The following ASTN2 variants were observed in gnomAD, a reference collection of about 807,000 sequenced individuals.
The protein encoded by ASTN2 is astrotactin-2.
In ASTN2, 54 loss-of-function variants were observed where a neutral mutation model predicts 139.8. That is an observed-to-expected ratio of 0.39 (90% CI 0.31 to 0.48). ASTN2 has a LOEUF of 0.48. Among genes scored for constraint, ASTN2 ranks in the 20% least tolerant of loss-of-function variants. ASTN2 has a pLI of 0.95. For missense variants in ASTN2, 1,565 were observed against 1,725.1 expected (o/e 0.91, Z 1.64); for synonymous variants, 756 against 719.5 (o/e 1.05, Z -0.81).
intron 17 of ASTN2, among the ~76,000 whole-genome samples, chr9:116,624,454 T>G (rs539315729): frequency 6.6e-6 from 1 of 152,204 alleles, no homozygotes; most frequent in Non-Finnish European, 1.5e-5. Flanking sequence ...ACAATTACTA[T>G]AGTTCAAATG....
chr9:116,875,013 A>G (rs781002112), intron 10 of ASTN2, among the ~76,000 whole-genome samples: 2 of 152,194 alleles, frequency 1.3e-5, no homozygotes, highest in South Asian at 2.1e-4. Flanking sequence ...CTGAGACACC[A>G]CAATATTGAA....
chr9:117,129,571 T>C (rs1176047603), intron 4 of ASTN2, among the ~76,000 whole-genome samples: 1 of 152,202 alleles, frequency 6.6e-6, no homozygotes, highest in Non-Finnish European at 1.5e-5. Context: ...TTTTATTATA[T>C]CTTTAATAGT....
intron 5 of ASTN2, among the ~76,000 whole-genome samples, chr9:117,094,204 GAGGAGAGGAGAGGAA>G (rs777034259): frequency 0.015 from 2,081 of 139,608 alleles, 23 homozygotes; most frequent in African/African-American, 0.017. Context: ...GAGGAGAGGA[GAGGAGAGGAGAGGAA>G]AGGAAAGAGG....
chr9:117,140,200 G>A (rs1351354844), intron 4 of ASTN2, among the ~76,000 whole-genome samples: 1 of 152,162 alleles, frequency 6.6e-6, no homozygotes, highest in Non-Finnish European at 1.5e-5. Flanking sequence ...TTCATGCAGA[G>A]AGCATGGCAT....
intron 5 of ASTN2, among the ~76,000 whole-genome samples, chr9:117,071,294 C>T: frequency 6.6e-6 from 1 of 150,966 alleles, no homozygotes; most frequent in Non-Finnish European, 1.5e-5. Flanking sequence ...TGTGCCCCTG[C>T]TGGGGGGTGC....
At chr9:116,464,635 T>A (rs771622343) in intron 20 of ASTN2, among the ~76,000 whole-genome samples, 1 of 152,198 alleles carries the variant, frequency 6.6e-6, no homozygotes, top group Non-Finnish European at 1.5e-5. Flanking sequence ...GTTGCATATA[T>A]GGGAGTGGGG....
chr9:116,443,529 G>A (rs1362186796), intron 20 of ASTN2, among the ~76,000 whole-genome samples: 1 of 152,138 alleles, frequency 6.6e-6, no homozygotes, highest in African/African-American at 2.4e-5. Flanking sequence ...AGACCTGGTA[G>A]ATTCAAGTCT....
chr9:117,330,387 T>C (rs2130847490), intron 1 of ASTN2, among the ~76,000 whole-genome samples: 1 of 152,330 alleles, frequency 6.6e-6, no homozygotes, highest in Non-Finnish European at 1.5e-5. Flanking sequence ...TGAGTCCCTC[T>C]CCGAAGCCCC....
intron 5 of ASTN2, among the ~76,000 whole-genome samples, chr9:117,094,342 T>G (rs1828788118): frequency 6.6e-6 from 1 of 152,024 alleles, no homozygotes; most frequent in Admixed American, 6.6e-5. Flanking sequence ...TAGCTTGCTT[T>G]TGCTTTTCTA....
At chr9:117,153,182 A>G (rs1177051590) in intron 3 of ASTN2, among the ~76,000 whole-genome samples, 1 of 151,894 alleles carries the variant, frequency 6.6e-6, no homozygotes, top group East Asian at 1.9e-4. Flanking sequence ...CTACTCCCAC[A>G]CTTGCATCTG....
At chr9:116,529,801 G>A in intron 19 of ASTN2, among the ~76,000 whole-genome samples, 1 of 151,982 alleles carries the variant, frequency 6.6e-6, no homozygotes, top group South Asian at 2.1e-4. Context: ...CTGCCACCAT[G>A]TAAGACATGT....
At chr9:117,027,685 G>T (rs781735998) in intron 6 of ASTN2, among the ~76,000 whole-genome samples, 1 of 152,176 alleles carries the variant, frequency 6.6e-6, no homozygotes, top group Non-Finnish European at 1.5e-5. Flanking sequence ...CAGTGGAAAA[G>T]ACTCCAAGCT....
chr9:116,801,103 G>A (rs1371628911), intron 13 of ASTN2, among the ~76,000 whole-genome samples: 1 of 152,168 alleles, frequency 6.6e-6, no homozygotes, highest in South Asian at 2.1e-4. Flanking sequence ...GCTGGTGGCA[G>A]TACTTGCTGG....
intron 10 of ASTN2, among the ~76,000 whole-genome samples, chr9:116,963,910 G>A (rs1835935242): frequency 1.3e-5 from 2 of 152,092 alleles, no homozygotes; most frequent in Admixed American, 6.6e-5. Context: ...TGTATCCCTT[G>A]ACTAAAGGCC....
At chr9:117,366,532 T>A (rs757413575) in intron 1 of ASTN2, among the ~76,000 whole-genome samples, 1 of 152,090 alleles carries the variant, frequency 6.6e-6, no homozygotes, top group Non-Finnish European at 1.5e-5. Flanking sequence ...CTGACCATGA[T>A]CTTTTCATAA....
chr9:117,308,937 T>G (rs1177266698), intron 1 of ASTN2, among the ~76,000 whole-genome samples: 1 of 152,158 alleles, frequency 6.6e-6, no homozygotes, highest in African/African-American at 2.4e-5. Flanking sequence ...ACTTTCCAAA[T>G]CAGTGAAGAA....
chr9:117,185,506 C>T (rs1415501959), intron 3 of ASTN2, among the ~76,000 whole-genome samples: 1 of 152,176 alleles, frequency 6.6e-6, no homozygotes, highest in East Asian at 1.9e-4. Flanking sequence ...CCCCAAGACT[C>T]CACCATCCTG....
intron 1 of ASTN2, among the ~76,000 whole-genome samples, chr9:117,384,832 T>C (rs544326354): frequency 3.3e-5 from 5 of 152,132 alleles, no homozygotes; most frequent in African/African-American, 1.2e-4. Context: ...GATGGGTGAA[T>C]GGATGTTGGA....
intron 11 of ASTN2, among the ~76,000 whole-genome samples, chr9:116,850,244 G>T (rs1364307645): frequency 1.3e-5 from 2 of 152,206 alleles, no homozygotes; most frequent in Non-Finnish European, 2.9e-5. Context: ...CTGTCTGACT[G>T]TTCTCTACAT....
Sources: gnomAD v4.1 joint callset for allele counts (sites outside exome capture counted in the v4.1 genomes callset) on GRCh38, gnomAD v4.1.1 for gene constraint, MANE v1.5 for transcripts, NCBI Gene and HGNC (gene_info 2026-07-23, HGNC 2026-07-21) for gene names.